Variants in TMCC1 observed in about 807,000 individuals in gnomAD.
TMCC1 encodes transmembrane and coiled-coil domains protein 1.
Under a neutral mutation model 52.4 loss-of-function variants are expected in TMCC1, and 15 were observed. The observed-to-expected ratio is 0.29, with a 90% CI of 0.19 to 0.44. The LOEUF (loss-of-function observed/expected upper bound fraction) is 0.44, where lower values mean the gene tolerates loss of function less well. Ranked by LOEUF, TMCC1 falls within the 20% of genes least tolerant of loss-of-function variation. The pLI, the probability that TMCC1 is intolerant of heterozygous loss-of-function variation, is 1.00. For synonymous variants in TMCC1, 279 were observed against 301.9 expected (o/e 0.92, Z 0.79); for missense variants, 503 against 806.0 (o/e 0.62, Z 4.55).
At chr3:129,709,474 CAAAAA>C (rs1160022823) in intron 4 of TMCC1, among the ~76,000 whole-genome samples, 3 of 20,520 alleles carry the variant, frequency 1.5e-4, no homozygotes, top group South Asian at 0.011. Context: ...AGACTTGCCT[CAAAAA>C]AAAAAAAAAA....
chr3:129,707,871 G>C (rs1394061714), intron 4 of TMCC1, among the ~76,000 whole-genome samples: 2 of 151,808 alleles, frequency 1.3e-5, no homozygotes, highest in Non-Finnish European at 2.9e-5. Flanking sequence ...GACGGAGGTT[G>C]CAGCGAGCCG....
intron 2 of TMCC1, among the ~76,000 whole-genome samples, chr3:129,871,144 AG>A (rs1264039722): frequency 6.6e-6 from 1 of 152,142 alleles, no homozygotes; most frequent in Non-Finnish European, 1.5e-5. Context: ...GGAGAGCCTG[AG>A]GTCAGGAGTT....
chr3:129,781,169 C>T (rs768878489), intron 4 of TMCC1, among the ~76,000 whole-genome samples: 2 of 152,112 alleles, frequency 1.3e-5, no homozygotes, highest in Admixed American at 6.5e-5. Context: ...AGTCTAAAAT[C>T]TTTCTCCTGG....
chr3:129,807,013 C>T (rs954194157), intron 4 of TMCC1, among the ~76,000 whole-genome samples: 6 of 152,094 alleles, frequency 3.9e-5, no homozygotes, highest in Admixed American at 1.3e-4. Flanking sequence ...ATGAATACAG[C>T]TATATGTGAT....
chr3:129,689,210 T>G (rs2089628931), intron 4 of TMCC1, among the ~76,000 whole-genome samples: 3 of 152,166 alleles, frequency 2.0e-5, no homozygotes, highest in African/African-American at 7.2e-5. Flanking sequence ...AGCAAGAGAT[T>G]AAAACATCAC....
chr3:129,856,522 C>A (rs1412694938), intron 2 of TMCC1, among the ~76,000 whole-genome samples: 1 of 152,208 alleles, frequency 6.6e-6, no homozygotes. Flanking sequence ...AAATTCAAAA[C>A]TATGAATCAA....
intron 4 of TMCC1, among the ~76,000 whole-genome samples, chr3:129,805,252 T>TCC (rs1253613975): frequency 6.6e-6 from 1 of 152,172 alleles, no homozygotes; most frequent in East Asian, 1.9e-4. Context: ...AGCCTCAACC[T>TCC]CCTGGGCTCA....
chr3:129,728,012 C>T (rs538106129), intron 4 of TMCC1, among the ~76,000 whole-genome samples: 1 of 152,280 alleles, frequency 6.6e-6, no homozygotes, highest in East Asian at 1.9e-4. Context: ...GTGAGTGAGG[C>T]TATTTGGACT....
chr3:129,738,448 A>G (rs2051172069), intron 4 of TMCC1, among the ~76,000 whole-genome samples: 2 of 152,230 alleles, frequency 1.3e-5, no homozygotes, highest in South Asian at 4.1e-4. Context: ...CTGTTGCAGT[A>G]CCAGTTACTA....
At chr3:129,762,062 A>G (rs7653421) in intron 4 of TMCC1, among the ~76,000 whole-genome samples, 141,310 of 141,314 alleles carry the variant, frequency 1, 70,653 homozygotes, top group Middle Eastern at 1. Context: ...TTTGAGACAG[A>G]GTCTTGCTCT....
intron 1 of TMCC1, among the ~76,000 whole-genome samples, chr3:129,889,160 T>C (rs1445590595): frequency 6.6e-6 from 1 of 152,096 alleles, no homozygotes; most frequent in East Asian, 1.9e-4. Flanking sequence ...TGGGCCCAGC[T>C]ACTCCGGACA....
intron 4 of TMCC1, among the ~76,000 whole-genome samples, chr3:129,719,837 A>G (rs746745025): frequency 3.7e-4 from 57 of 152,012 alleles, no homozygotes; most frequent in Non-Finnish European, 3.2e-4. Context: ...CATTCATCCA[A>G]TCTCGTATAC....
intron 4 of TMCC1, among the ~76,000 whole-genome samples, chr3:129,784,731 G>A (rs532551868): frequency 6.6e-6 from 1 of 152,178 alleles, no homozygotes; most frequent in African/African-American, 2.4e-5. Context: ...CACTTTGGGA[G>A]GATGAGGTAG....
In TMCC1 at chr3:129,763,207, A is replaced by T. The variant is rs1007361286; in HGVS notation, c.576+64596T>A. ...AGCAAGACTCTGTCTCAAAAAATAA[A>T]AAATAAATAAATAAATAAATAAATA... On this transcript the variant is annotated intron_variant, in intron 4 of 6. Transcript: ENST00000393238. Among the ~76,000 whole-genome samples, 5 of 131,352 alleles carry T rather than the reference A, an allele frequency of 3.8e-5. No homozygotes were observed. In the South Asian group the frequency reaches 7.0e-4, roughly 18 times the overall value. The allele number at this position is 131,352 out of a possible 152,430, so 86.2% of individuals were successfully genotyped here.
Position 129,835,878 on chromosome 3 carries a change from A to C in TMCC1, c.-183-3052T>G, listed in dbSNP as rs531427933. Among the ~76,000 whole-genome samples the C allele has an allele frequency of 2.0e-5, 3 of 152,362 alleles. No homozygotes were observed. The South Asian group carries it at 6.2e-4, about 32-fold the overall frequency. ...AGAGAACAAGATTACAGAACAAATA[A>C]AACATATTTAAGCAGCAAAATATAA... On this transcript the variant is annotated intron_variant, in intron 2 of 6. Transcript: ENST00000393238.
chr3:129,837,467 C>T (rs780047139), intron 2 of TMCC1, among the ~76,000 whole-genome samples: 5 of 152,132 alleles, frequency 3.3e-5, no homozygotes, highest in Non-Finnish European at 7.4e-5. Context: ...GTAACCATTG[C>T]AATAATAAAC....
At chr3:129,851,394 T>C (rs1413711904) in intron 2 of TMCC1, among the ~76,000 whole-genome samples, 1 of 152,034 alleles carries the variant, frequency 6.6e-6, no homozygotes, top group Non-Finnish European at 1.5e-5. Context: ...ACAAAGACTA[T>C]CACATAAATC....
intron 4 of TMCC1, among the ~76,000 whole-genome samples, chr3:129,723,397 A>C (rs866820101): frequency 3.6e-4 from 44 of 121,084 alleles, no homozygotes; most frequent in Non-Finnish European, 7.5e-4. Flanking sequence ...TAGATCCATC[A>C]AGAATTTTTT....
chr3:129,772,863 T>C (rs777927997), intron 4 of TMCC1, among the ~76,000 whole-genome samples: 7 of 152,016 alleles, frequency 4.6e-5, no homozygotes, highest in East Asian at 1.9e-4. Flanking sequence ...ACCTAACCGA[T>C]TGACAAAAAT....
Sources: gnomAD v4.1 joint callset for allele counts (sites outside exome capture counted in the v4.1 genomes callset) on GRCh38, gnomAD v4.1.1 for gene constraint, MANE v1.5 for transcripts, NCBI Gene and HGNC (gene_info 2026-07-23, HGNC 2026-07-21) for gene names.